The following SEMA3C variants were observed in gnomAD, a reference collection of about 807,000 sequenced individuals.
SEMA3C encodes the protein semaphorin-3C.
Under a neutral mutation model 89.4 loss-of-function variants are expected in SEMA3C, and 47 were observed. The observed-to-expected ratio is 0.53, with a 90% confidence interval of 0.42 to 0.67. The LOEUF (loss-of-function observed/expected upper bound fraction) is 0.67, where lower values mean the gene tolerates loss of function less well. SEMA3C is among the 30% of genes least tolerant of loss of function. The probability of loss-of-function intolerance (pLI) is 0.00; values close to 1 mark genes in which losing one functional copy is unlikely to be tolerated. For missense variants in SEMA3C, 839 were observed against 929.1 expected, an observed-to-expected ratio of 0.90 and a Z score of 1.26; for synonymous variants, 310 against 320.2, an observed-to-expected ratio of 0.97 and a Z score of 0.34.
intron 12 of SEMA3C, among the ~76,000 whole-genome samples, chr7:80,773,572 T>A (rs899624764): frequency 2.6e-5 from 4 of 152,188 alleles, no homozygotes; most frequent in South Asian, 2.1e-4. Flanking sequence ...GAAGAAAGGA[T>A]ACTCACAAGC....
At chr7:80,800,093 C>T (rs1211885707) in intron 10 of SEMA3C, among the ~76,000 whole-genome samples, 2 of 146,192 alleles carry the variant, frequency 1.4e-5, no homozygotes, top group African/African-American at 2.6e-5. Flanking sequence ...GCGGAGCTTG[C>T]AGTGAGCCGA....
chr7:80,775,983 A>G (rs67279313), intron 12 of SEMA3C, among the ~76,000 whole-genome samples: 39,768 of 151,922 alleles, frequency 0.26, 5,674 homozygotes, highest in East Asian at 0.51. Context: ...AGACTGAAAT[A>G]TATGTTCCTG....
chr7:80,772,518 T>C (rs1290398148), intron 12 of SEMA3C, among the ~76,000 whole-genome samples: 2 of 152,178 alleles, frequency 1.3e-5, no homozygotes, highest in Non-Finnish European at 2.9e-5. Flanking sequence ...GCCTCAGCCC[T>C]GGGGGTATTA....
At chr7:80,752,261 A>C (rs1787952503) in intron 15 of SEMA3C, among the ~76,000 whole-genome samples, 1 of 152,170 alleles carries the variant, frequency 6.6e-6, no homozygotes, top group Non-Finnish European at 1.5e-5. Context: ...GCTTCCAGTC[A>C]AGTTTCATCC....
chr7:80,789,223 A>C, intron 12 of SEMA3C, 83 bp downstream of exon 12: 1 of 1,101,884 alleles, frequency 9.1e-7, no homozygotes, highest in South Asian at 1.5e-5. Flanking sequence ...TTCTAGTTTC[A>C]AGATCATGGC....
chr7:80,860,666 A>G (rs11974793), intron 2 of SEMA3C, among the ~76,000 whole-genome samples: 104,663 of 152,036 alleles, frequency 0.69, 36,362 homozygotes, highest in South Asian at 0.82. Context: ...CCAAACTGCC[A>G]AGGTCAAGGG....
intron 2 of SEMA3C, among the ~76,000 whole-genome samples, chr7:80,874,826 A>C (rs1303604059): frequency 2.6e-5 from 4 of 152,086 alleles, no homozygotes; most frequent in Non-Finnish European, 1.5e-5. Flanking sequence ...GGTGTTTTAA[A>C]AAAATAGCAC....
intron 2 of SEMA3C, among the ~76,000 whole-genome samples, chr7:80,897,809 T>C (rs1475913312): frequency 6.6e-6 from 1 of 152,184 alleles, no homozygotes; most frequent in East Asian, 1.9e-4. Context: ...GTTTACTTTG[T>C]TGTGAAGTGT....
chr7:80,838,414 T>G (rs988507938), intron 2 of SEMA3C, among the ~76,000 whole-genome samples: 1 of 152,220 alleles, frequency 6.6e-6, no homozygotes, highest in Admixed American at 6.5e-5. Flanking sequence ...TTGTGGGATA[T>G]CTGTAAAGCT....
chr7:80,829,764 T>C (rs1789967205), intron 2 of SEMA3C, among the ~76,000 whole-genome samples: 3 of 152,178 alleles, frequency 2.0e-5, no homozygotes, highest in South Asian at 4.1e-4. Flanking sequence ...ACATTCATGA[T>C]ACATTCTCTG....
chr7:80,809,316 C>G (rs966716566), intron 6 of SEMA3C, among the ~76,000 whole-genome samples: 1 of 152,140 alleles, frequency 6.6e-6, no homozygotes, highest in African/African-American at 2.4e-5. Context: ...TTGGCTAACA[C>G]GTGCACTTTG....
rs141894010 is a variant in SEMA3C at position 80,878,206 on chromosome 7, C to T, written c.103+38473G>A. Among the ~76,000 whole-genome samples, 1,015 of 152,196 alleles carry T rather than the reference C, an allele frequency of 6.7e-3. 54 individuals are homozygous for T. The East Asian group carries it at 0.13, about 19-fold the overall frequency. On this transcript the variant is annotated intron_variant, in intron 2 of 17. Transcript: ENST00000265361. ...CAGCCTGACCCACTCGGAGAAACCCCATCTCTACTAAAAATACAAAATTAA... is the reference window on the plus strand; with the variant it reads ...CAGCCTGACCCACTCGGAGAAACCCTATCTCTACTAAAAATACAAAATTAA...
At chr7:80,777,168 A>G (rs1011285426) in intron 12 of SEMA3C, among the ~76,000 whole-genome samples, 1 of 152,184 alleles carries the variant, frequency 6.6e-6, no homozygotes, top group Non-Finnish European at 1.5e-5. Context: ...GATGTTATAT[A>G]ATTTCCTCAA....
intron 12 of SEMA3C, among the ~76,000 whole-genome samples, chr7:80,775,786 A>G (rs533651842): frequency 5.4e-4 from 82 of 152,262 alleles, no homozygotes; most frequent in Non-Finnish European, 1.0e-3. Flanking sequence ...TTTACCTAAT[A>G]TATATGAATA....
At chr7:80,855,580 A>C (rs1230669218) in intron 2 of SEMA3C, among the ~76,000 whole-genome samples, 1 of 152,076 alleles carries the variant, frequency 6.6e-6, no homozygotes, top group Non-Finnish European at 1.5e-5. Context: ...CATGAAAATT[A>C]TTTTATCCTA....
chr7:80,843,378 T>C (rs1790314801), intron 2 of SEMA3C, among the ~76,000 whole-genome samples: 1 of 152,190 alleles, frequency 6.6e-6, no homozygotes, highest in Admixed American at 6.5e-5. Flanking sequence ...TTTCTTTGTG[T>C]TGTTTTTTTT....
At chr7:80,780,217 G>A (rs1033678300) in intron 12 of SEMA3C, among the ~76,000 whole-genome samples, 2 of 152,176 alleles carry the variant, frequency 1.3e-5, no homozygotes, top group South Asian at 2.1e-4. Flanking sequence ...AATATTCATT[G>A]AATTGGATTA....
chr7:80,783,469 C>T (rs529768177), intron 12 of SEMA3C, among the ~76,000 whole-genome samples: 3 of 152,258 alleles, frequency 2.0e-5, no homozygotes, highest in South Asian at 2.1e-4. Flanking sequence ...CAGTGACCCA[C>T]GATGTTATTA....
At chr7:80,849,146 T>C (rs1275509945) in intron 2 of SEMA3C, among the ~76,000 whole-genome samples, 1 of 152,184 alleles carries the variant, frequency 6.6e-6, no homozygotes, top group Admixed American at 6.5e-5. Context: ...AATTCTACCA[T>C]GAGTGGATAA....
Sources: gnomAD v4.1 joint callset for allele counts (sites outside exome capture counted in the v4.1 genomes callset) on GRCh38, gnomAD v4.1.1 for gene constraint, MANE v1.5 for transcripts, NCBI Gene and HGNC (gene_info 2026-07-23, HGNC 2026-07-21) for gene names.